PPP1R13L: variants seen among roughly 807,000 people sequenced by gnomAD.
The protein encoded by PPP1R13L is protein phosphatase 1 regulatory subunit 13 like.
In PPP1R13L, 50 loss-of-function variants were observed where a neutral mutation model predicts 80.9. That is an observed-to-expected ratio of 0.62 (90% CI 0.49 to 0.78). PPP1R13L has a LOEUF of 0.78. PPP1R13L is among the 30% of genes least tolerant of loss of function. The pLI is 0.00. For missense variants in PPP1R13L, 1,200 were observed against 1,205.9 expected (o/e 1.00, Z 0.07); for synonymous variants, 602 against 534.3 (o/e 1.13, Z -1.75).
intron 1 of PPP1R13L, among the ~76,000 whole-genome samples, chr19:45,404,200 A>C (rs925740171): frequency 1.3e-5 from 2 of 152,270 alleles, no homozygotes; most frequent in African/African-American, 4.8e-5. Context: ...ATGCCCGGCT[A>C]TGCAAACCTC....
intron 8 of PPP1R13L, among the ~76,000 whole-genome samples, chr19:45,388,849 T>A (rs758744215): frequency 6.6e-6 from 1 of 152,036 alleles, no homozygotes; most frequent in African/African-American, 2.4e-5. Flanking sequence ...GCAATTCTCC[T>A]GCCTGAGCCT....
Position 45,392,237 on chromosome 19 carries a change from C to T in PPP1R13L, c.1458G>A (p.Arg486=), listed in dbSNP as rs748776737. 16 of 1,612,854 alleles carry T rather than the reference C, an allele frequency of 9.9e-6. No individual in the cohort carries two copies. Among genetic ancestry groups the T allele is most frequent in the Middle Eastern group, 1.7e-4 (1 of 6,058 alleles). ...GCTGCAGCCTCGTGGGGCTGAGAGG[C>T]CTTGCTACAGGGCCTTCATCCACAT... ...AGDVDEGPVA[R]PLSPTRLQPA... Residue 486 remains arginine (R), a synonymous_variant, in exon 8 of 13, where the codon AGG becomes AGA. Coordinates refer to ENST00000360957, the MANE Select transcript of PPP1R13L (RefSeq NM_006663.4).
intron 3 of PPP1R13L, 39 bp from the exon 4 acceptor site, chr19:45,397,097 A>T: frequency 7.9e-7 from 1 of 1,263,674 alleles, no homozygotes. Flanking sequence ...GGATCAAAGG[A>T]GACATTAGTG....
intron 1 of PPP1R13L, among the ~76,000 whole-genome samples, chr19:45,402,288 G>T (rs567055449): frequency 6.6e-6 from 1 of 152,272 alleles, no homozygotes; most frequent in South Asian, 2.1e-4. Flanking sequence ...TCGCGCCTGT[G>T]GTTAGGCTGG....
chr19:45,386,910 A>G (rs1468002842), intron 8 of PPP1R13L, among the ~76,000 whole-genome samples: 1 of 150,530 alleles, frequency 6.6e-6, no homozygotes, highest in African/African-American at 2.4e-5. Flanking sequence ...TGCTAGGATT[A>G]CAGGTGTGAG....
intron 2 of PPP1R13L, 50 bp downstream of exon 2, chr19:45,398,214 C>G (rs755208913): frequency 1.9e-6 from 3 of 1,613,162 alleles, no homozygotes; most frequent in Non-Finnish European, 8.5e-7. Flanking sequence ...CACCCCTCGC[C>G]CGCTGCCGAG....
intron 8 of PPP1R13L, among the ~76,000 whole-genome samples, chr19:45,390,076 C>T (rs1278249706): frequency 4.6e-5 from 7 of 151,060 alleles, no homozygotes; most frequent in African/African-American, 1.7e-4. Context: ...CAGGCATGAA[C>T]CACCACGCCC....
intron 1 of PPP1R13L, among the ~76,000 whole-genome samples, chr19:45,400,612 T>G (rs571289549): frequency 6.6e-5 from 10 of 151,060 alleles, no homozygotes; most frequent in African/African-American, 1.9e-4. Context: ...CTTTTTTTTT[T>G]TTTTTGAGAT....
intron 1 of PPP1R13L, among the ~76,000 whole-genome samples, chr19:45,398,967 G>A (rs557356185): frequency 2.7e-5 from 4 of 145,682 alleles, no homozygotes; most frequent in African/African-American, 1.0e-4. Flanking sequence ...TTTTTGAGAT[G>A]GTGTCTCGCA....
chr19:45,398,948 TTTTG>T (rs984725047), intron 1 of PPP1R13L, among the ~76,000 whole-genome samples: 2 of 151,618 alleles, frequency 1.3e-5, no homozygotes, highest in Admixed American at 6.6e-5. Flanking sequence ...TAGATCCTGT[TTTTG>T]TTTGTTTTTG....
At chr19:45,387,137 G>A (rs1001645212) in intron 8 of PPP1R13L, among the ~76,000 whole-genome samples, 18 of 151,714 alleles carry the variant, frequency 1.2e-4, no homozygotes, top group African/African-American at 1.7e-4. Context: ...ACATGGTGGC[G>A]CACACCCGTC....
rs745645474 is a variant in PPP1R13L, at chr19:45,391,922, C to T, written c.1773G>A (p.Pro591=). 19 of 1,500,278 alleles carry T rather than the reference C, an allele frequency of 1.3e-5. No homozygotes were observed. Among genetic ancestry groups the T allele is most frequent in the South Asian group, 5.5e-5 (4 of 72,946 alleles). 92.9% of individuals were successfully genotyped at this position (1,500,278 alleles called of 1,614,324 possible). A position where few individuals can be genotyped will look rare whatever the true frequency, so the allele number is the denominator to read the frequency against. ...APAPPAPIPP[P]APSQSSPPEQ... ...CTGGTGGGCTGCTCTGGGACGGGGC[C>T]GGGGGTGGAATGGGAGCTGGTGGGG... Residue 591 remains proline, a synonymous_variant, in exon 8 of 13, where the codon CCG becomes CCA. Coordinates refer to ENST00000360957, the MANE Select transcript of PPP1R13L (RefSeq NM_006663.4).
intron 3 of PPP1R13L, 132 bp downstream of exon 3, chr19:45,397,873 C>CT: frequency 7.9e-7 from 1 of 1,262,156 alleles, no homozygotes; most frequent in Non-Finnish European, 1.1e-6. Flanking sequence ...GCCTGGTCCC[C>CT]TTTTTTCAAG....
At chr19:45,402,450 G>C (rs1007188286) in intron 1 of PPP1R13L, among the ~76,000 whole-genome samples, 29 of 152,234 alleles carry the variant, frequency 1.9e-4, no homozygotes, top group African/African-American at 6.5e-4. Context: ...TGCCAACCCT[G>C]GGTGTGGGGC....
At position 45,398,245 on chromosome 19, in the gene PPP1R13L, G is replaced by A. The variant is rs1263396627; in HGVS notation, c.55+19C>T. The stretch of plus-strand genomic sequence containing the variant: ...CCGAGGTCCCCGCCTCGCCAGCCCC[G>A]CCCCCTACTCCAGCTTACACTGGAA... On this transcript the variant is annotated intron_variant, in intron 2 of 12. Coordinates refer to ENST00000360957, the MANE Select transcript of PPP1R13L (RefSeq NM_006663.4). 1.2e-5 allele frequency: 20 copies of A among 1,613,464 alleles called. No homozygotes were observed. The highest frequency in any genetic ancestry group is 1.5e-5 in the Non-Finnish European group (18 of 1,179,748).
chr19:45,402,775 C>T (rs1973258863), intron 1 of PPP1R13L, among the ~76,000 whole-genome samples: 1 of 152,232 alleles, frequency 6.6e-6, no homozygotes. Flanking sequence ...AGGTACTCTC[C>T]CCTGGGCTCC....
rs1194802186 is a variant in PPP1R13L, at chr19:45,398,104, G to T, written c.99C>A (p.Asp33Glu). Reference sequence around the variant, plus strand: ...GTTCATCCACCTTGGCCGCCGCCGTGTCCAGCTCCATCTGCTTCAGATCCA... The same window carrying T: ...GTTCATCCACCTTGGCCGCCGCCGTTTCCAGCTCCATCTGCTTCAGATCCA... ...KHMDLKQMEL[D>E]TAAAKVDELT... Residue 33 changes from aspartate (D) to glutamate (E), a missense_variant, in exon 3 of 13, where the codon GAC (aspartate) becomes GAA (glutamate). By Grantham distance (45) the Asp-to-Glu change is conservative. This residue lies in a region of PPP1R13L where 764 missense variants were observed against 714.5 expected (regional missense o/e 1.07). Coordinates refer to ENST00000360957, the MANE Select transcript of PPP1R13L (RefSeq NM_006663.4). 6.2e-7 allele frequency: 1 copy of T among 1,614,066 alleles called. No individual in the cohort carries two copies. The highest frequency in any genetic ancestry group is 2.2e-5 in the East Asian group (1 of 44,890).
At position 45,396,672 on chromosome 19, in the gene PPP1R13L, G is replaced by A; in HGVS notation, c.585C>T (p.Ala195=). 8 of 1,441,156 alleles carry A rather than the reference G, an allele frequency of 5.6e-6. No individual in the cohort carries two copies. In the South Asian group the frequency reaches 1.2e-4, roughly 22 times the overall value. 89.3% of individuals were successfully genotyped at this position (1,441,156 alleles called of 1,614,324 possible). A position where few individuals can be genotyped will look rare whatever the true frequency, so the allele number is the denominator to read the frequency against. ...GTGACGGCCCACGCTCGGGGAAGAA[G>A]GCCTGGGGCCCCTCCGCCAGGGGGC... is the stretch of plus-strand genomic sequence containing the variant. The part of the protein sequence containing the change: ...RGSPLAEGPQ[A]FFPERGPSPR... Residue 195 remains alanine, a synonymous_variant, in exon 4 of 13, where the codon GCC becomes GCT. Coordinates refer to ENST00000360957, the MANE Select transcript of PPP1R13L (RefSeq NM_006663.4). This position sits in a 1 kb window ranked among gnomAD's most constrained non-coding sequence, Gnocchi z 5.3.
intron 11 of PPP1R13L, among the ~76,000 whole-genome samples, chr19:45,384,649 C>T (rs563100635): frequency 2.0e-5 from 3 of 151,960 alleles, no homozygotes; most frequent in Admixed American, 6.6e-5. Context: ...CTCAAGAGTT[C>T]GGGACCAGCC....
Sources: gnomAD v4.1 joint callset for allele counts (sites outside exome capture counted in the v4.1 genomes callset) on GRCh38, gnomAD v4.1.1 for gene constraint, gnomAD v4.1.1 regional missense constraint, Gnocchi (gnomAD v3.1) non-coding constraint, MANE v1.5 for transcripts, NCBI Gene and HGNC (gene_info 2026-07-23, HGNC 2026-07-21) for gene names.